NWD1: variants seen among roughly 807,000 people sequenced by gnomAD.
NWD1 encodes NACHT domain- and WD repeat-containing protein 1.
Under a neutral mutation model 135.1 loss-of-function variants are expected in NWD1, and 129 were observed. The observed-to-expected ratio is 0.96, with a 90% CI of 0.83 to 1.11. The LOEUF is 1.11. NWD1 is among the 50% of genes least tolerant of loss of function. The pLI, the probability that NWD1 is intolerant of heterozygous loss-of-function variation, is 0.00. For missense variants in NWD1, 1,740 were observed against 1,851.3 expected, an observed-to-expected ratio of 0.94 and a Z score of 1.10; for synonymous variants, 773 against 786.0, an observed-to-expected ratio of 0.98 and a Z score of 0.28.
intron 17 of NWD1, 136 bp downstream of exon 17, chr19:16,800,298 CCT>C: frequency 4.6e-6 from 4 of 877,736 alleles, no homozygotes; most frequent in Non-Finnish European, 5.2e-6. Flanking sequence ...CTTTGGGAGG[CCT>C]TGGCGGGTGG....
chr19:16,730,939 C>T (rs1967534127), intron 2 of NWD1, among the ~76,000 whole-genome samples: 1 of 125,470 alleles, frequency 8.0e-6, no homozygotes, highest in Admixed American at 9.4e-5. Context: ...GAGATGGTGG[C>T]AGCAGATGAG....
intron 11 of NWD1, among the ~76,000 whole-genome samples, chr19:16,774,111 A>T (rs1447409916): frequency 4.5e-5 from 6 of 134,808 alleles, no homozygotes; most frequent in African/African-American, 1.7e-4. Flanking sequence ...TCATCCACCC[A>T]TCTTCTCTGC....
chr19:16,814,872 T>C (rs1337184526), intron 18 of NWD1, among the ~76,000 whole-genome samples, 156 bp from the exon 19 acceptor site: 1 of 152,098 alleles, frequency 6.6e-6, no homozygotes, highest in East Asian at 1.9e-4. Flanking sequence ...ATTGTGCAGA[T>C]AAAGGAAGAG....
At chr19:16,765,002 C>G (rs761272591) in intron 9 of NWD1, 32 bp from the exon 10 acceptor site, 1 of 1,611,210 alleles carries the variant, frequency 6.2e-7, no homozygotes, top group Non-Finnish European at 8.5e-7. Context: ...GAGGTAGGCA[C>G]TTCCCACATC....
chr19:16,811,255 T>A lies in NWD1; in HGVS notation c.4287+3119T>A, dbSNP rs1970914890. Among the ~76,000 whole-genome samples the A allele has an allele frequency of 2.6e-5, 4 of 152,184 alleles. 1 individual carries two copies. In the South Asian group the frequency reaches 8.3e-4, roughly 32 times the overall value. ...ATAGCTAACATCCGTATAACCAAAGTAATTTAAGAAATTGAATCCCCATCG... is the reference window on the plus strand; with the variant it reads ...ATAGCTAACATCCGTATAACCAAAGAAATTTAAGAAATTGAATCCCCATCG... On this transcript the variant is annotated intron_variant, in intron 18 of 18. Transcript: ENST00000524140.
chr19:16,811,796 T>A (rs1481733518), intron 18 of NWD1, among the ~76,000 whole-genome samples: 1 of 151,778 alleles, frequency 6.6e-6, no homozygotes, highest in African/African-American at 2.4e-5. Flanking sequence ...CAAAGCCTGG[T>A]TCTGAGGTCA....
At chr19:16,756,267 A>G (rs1968793650) in intron 6 of NWD1, among the ~76,000 whole-genome samples, 1 of 152,058 alleles carries the variant, frequency 6.6e-6, no homozygotes, top group Non-Finnish European at 1.5e-5. Flanking sequence ...AATAGAAAAT[A>G]ATAAGGAAGA....
chr19:16,794,483 A>T lies in NWD1; in HGVS notation c.3234A>T (p.Arg1078Ser). Reference sequence around the variant, plus strand: ...CACAGGTTTCCTCCAAAGGGGACAGATTGCTGGAGAAGCTTCCAGATGCTG... The same window carrying T: ...CACAGGTTTCCTCCAAAGGGGACAGTTTGCTGGAGAAGCTTCCAGATGCTG... The part of the protein sequence containing the change: ...SISLVSSKGD[R>S]LLEKLPDAVR... The change falls in exon 15 of 19, where the codon AGA becomes AGT. Residue 1078 changes from arginine to serine, a missense_variant. By Grantham distance (110) the Arg-to-Ser change is moderately radical. Coordinates refer to ENST00000524140, the MANE Select transcript of NWD1 (RefSeq NM_001007525.5). 6.2e-7 allele frequency: 1 copy of T among 1,611,764 alleles called. No homozygotes were observed. Among genetic ancestry groups the T allele is most frequent in the South Asian group, 1.1e-5 (1 of 90,580 alleles).
intron 13 of NWD1, among the ~76,000 whole-genome samples, chr19:16,789,721 T>TTC (rs1270384612): frequency 6.8e-6 from 1 of 148,120 alleles, no homozygotes; most frequent in Non-Finnish European, 1.5e-5. Flanking sequence ...TCTCTCTTTT[T>TTC]TTTTTTTTTT....
At chr19:16,776,742 A>G (rs2122969697) in intron 11 of NWD1, among the ~76,000 whole-genome samples, 1 of 149,888 alleles carries the variant, frequency 6.7e-6, no homozygotes, top group Middle Eastern at 3.4e-3. Context: ...CAGCCTGGGC[A>G]ACATAAGGAG....
intron 10 of NWD1, among the ~76,000 whole-genome samples, chr19:16,770,104 C>A (rs113637856): frequency 6.6e-6 from 1 of 152,198 alleles, no homozygotes; most frequent in African/African-American, 2.4e-5. Flanking sequence ...CATCTGTTTT[C>A]TCCCTGCCAA....
At chr19:16,729,459 G>T (rs1967466918) in intron 2 of NWD1, among the ~76,000 whole-genome samples, 2 of 151,842 alleles carry the variant, frequency 1.3e-5, no homozygotes, top group Admixed American at 1.3e-4. Context: ...TCTTCAGGGA[G>T]CCCTTCTCTG....
At chr19:16,732,450 G>A (rs1967609085) in intron 3 of NWD1, among the ~76,000 whole-genome samples, 1 of 151,698 alleles carries the variant, frequency 6.6e-6, no homozygotes, top group South Asian at 2.1e-4. Context: ...GGCTTCAGGA[G>A]GAGTATAAGA....
At chr19:16,787,821 C>G (rs777111159) in intron 12 of NWD1, among the ~76,000 whole-genome samples, 4 of 150,712 alleles carry the variant, frequency 2.7e-5, no homozygotes, top group Admixed American at 6.7e-5. Flanking sequence ...GATTATGCCA[C>G]TGAACTCCAG....
intron 3 of NWD1, among the ~76,000 whole-genome samples, chr19:16,733,345 A>AC (rs1308441233): frequency 2.0e-5 from 3 of 151,724 alleles, no homozygotes; most frequent in Non-Finnish European, 4.4e-5. Flanking sequence ...ACATGGTGAA[A>AC]CCCCCTCTCT....
chr19:16,770,229 G>A (rs996076125), intron 10 of NWD1, among the ~76,000 whole-genome samples: 1 of 152,060 alleles, frequency 6.6e-6, no homozygotes, highest in African/African-American at 2.4e-5. Context: ...GGAGATAATC[G>A]AATCATGGAG....
chr19:16,783,179 A>C (rs1274549994), intron 12 of NWD1, among the ~76,000 whole-genome samples: 1 of 151,780 alleles, frequency 6.6e-6, no homozygotes. Context: ...GCACAGGTGC[A>C]TGCCACCATG....
At chr19:16,722,616 T>C (rs2122654417) in intron 1 of NWD1, among the ~76,000 whole-genome samples, 1 of 151,904 alleles carries the variant, frequency 6.6e-6, no homozygotes, top group East Asian at 2.0e-4. Flanking sequence ...AAGAATTAAC[T>C]CAGCAGGCCT....
At chr19:16,728,540 C>A (rs1967418566) in intron 2 of NWD1, among the ~76,000 whole-genome samples, 1 of 152,014 alleles carries the variant, frequency 6.6e-6, no homozygotes, top group South Asian at 2.1e-4. Context: ...CCCACTCAGC[C>A]TCCCAAAGTG....
Sources: gnomAD v4.1 joint callset for allele counts (sites outside exome capture counted in the v4.1 genomes callset) on GRCh38, gnomAD v4.1.1 for gene constraint, MANE v1.5 for transcripts, NCBI Gene and HGNC (gene_info 2026-07-23, HGNC 2026-07-21) for gene names.